The following CFAP45 variants were observed in gnomAD, a reference collection of about 807,000 sequenced individuals.
The protein encoded by CFAP45 is cilia- and flagella-associated protein 45.
CFAP45 carries 43 observed loss-of-function variants against 75.6 expected under a neutral mutation model. The observed-to-expected ratio is 0.57, with a 90% confidence interval of 0.45 to 0.73. The LOEUF is 0.73. Ranked by LOEUF, CFAP45 falls within the 30% of genes least tolerant of loss-of-function variation. The pLI is 0.00. For synonymous variants in CFAP45, 223 were observed against 244.6 expected (o/e 0.91, Z 0.82); for missense variants, 689 against 701.5 (o/e 0.98, Z 0.20).
At chr1:159,875,872 T>C (rs1649387688) in intron 10 of CFAP45, among the ~76,000 whole-genome samples, 2 of 152,178 alleles carry the variant, frequency 1.3e-5, no homozygotes, top group Admixed American at 1.3e-4. Flanking sequence ...CAGTGAGAGA[T>C]GTGAACATTT....
Position 159,888,349 on chromosome 1 carries a change from T to C in CFAP45, c.417+3A>G. 6.2e-7 allele frequency: 1 copy of C among 1,613,988 alleles called. No homozygotes were observed. The highest frequency in any genetic ancestry group is 1.1e-5 in the South Asian group (1 of 91,064). The stretch of plus-strand genomic sequence containing the variant: ...GAGGTGAAGGCTTAGGGAGGTTAAC[T>C]ACCATGGTGGCTTCCTTCTCCTTCT... On this transcript the variant is annotated splice_donor_region_variant and intron_variant, in intron 4 of 11. Transcript: ENST00000368099.
In CFAP45 at chr1:159,887,445, G is replaced by A. The variant is rs1202035129; in HGVS notation, c.588+396C>T. ...TACTCCAAAAGCATCCAATTGCCTC[G>A]ACCACCATACGTGGCCAGAACTGAA... On this transcript the variant is annotated intron_variant, in intron 5 of 11. Coordinates refer to ENST00000368099, the MANE Select transcript of CFAP45 (RefSeq NM_012337.3). Among the ~76,000 whole-genome samples the A allele has an allele frequency of 3.3e-5, 5 of 152,256 alleles. No individual in the cohort carries two copies. In the East Asian group the frequency reaches 7.7e-4, roughly 23 times the overall value.
chr1:159,899,655 G>A (rs924823066), intron 1 of CFAP45, among the ~76,000 whole-genome samples: 1 of 151,642 alleles, frequency 6.6e-6, no homozygotes, highest in Non-Finnish European at 1.5e-5. Flanking sequence ...TTTTAGTAGA[G>A]GCGGGGTTTC....
intron 7 of CFAP45, among the ~76,000 whole-genome samples, chr1:159,882,204 T>G (rs1230143447): frequency 1.3e-5 from 2 of 152,166 alleles, no homozygotes; most frequent in Admixed American, 6.5e-5. Flanking sequence ...ACTCCACTTT[T>G]CCCTTTCTGC....
intron 1 of CFAP45, among the ~76,000 whole-genome samples, chr1:159,897,434 T>C (rs1360925053): frequency 6.6e-6 from 1 of 151,778 alleles, no homozygotes; most frequent in Non-Finnish European, 1.5e-5. Context: ...AATACAAAAA[T>C]TAGCTGGGCA....
In CFAP45 at chr1:159,898,200, C is replaced by T. The variant is rs943589528; in HGVS notation, c.3+1896G>A. On this transcript the variant is annotated intron_variant, in intron 1 of 11. Coordinates refer to ENST00000368099, the MANE Select transcript of CFAP45 (RefSeq NM_012337.3). ...GAAAGGGAGATTCCCATGCACGAGACCCCTTGCCTTTTACTCTGAGTGATC... is the reference window on the plus strand; with the variant it reads ...GAAAGGGAGATTCCCATGCACGAGATCCCTTGCCTTTTACTCTGAGTGATC... 11 of 985,158 alleles carry T rather than the reference C, an allele frequency of 1.1e-5. No homozygotes were observed. The Admixed American group carries it at 3.1e-4, about 28-fold the overall frequency. 61.0% of individuals were successfully genotyped at this position (985,158 alleles called of 1,614,324 possible). A position where few individuals can be genotyped will look rare whatever the true frequency, so the allele number is the denominator to read the frequency against.
At chr1:159,881,182 T>C (rs566844752) in intron 7 of CFAP45, among the ~76,000 whole-genome samples, 15 of 152,216 alleles carry the variant, frequency 9.9e-5, no homozygotes, top group Non-Finnish European at 1.9e-4. Context: ...TACCTAAATA[T>C]GTCCAAAAAT....
intron 3 of CFAP45, among the ~76,000 whole-genome samples, chr1:159,888,966 GA>G (rs1320748952): frequency 1.3e-5 from 2 of 152,122 alleles, no homozygotes; most frequent in African/African-American, 4.8e-5. Flanking sequence ...GCTTGGTACA[GA>G]GTGAGAATTC....
intron 6 of CFAP45, 85 bp downstream of exon 6, chr1:159,886,426 A>T: frequency 8.7e-7 from 1 of 1,149,614 alleles, no homozygotes; most frequent in Non-Finnish European, 1.3e-6. Context: ...ACCATTTCTC[A>T]TCTCTTCCCT....
rs762548649 is a variant in CFAP45, at chr1:159,900,123, C to T, written c.-25G>A. 3.1e-6 allele frequency: 5 copies of T among 1,614,158 alleles called. No individual in the cohort carries two copies. The South Asian group carries it at 5.5e-5, about 18-fold the overall frequency. ...TCTCCTCAGCCACACGCCCTGACTCCGGACTTCTGCTGCCGCCTCGGCGCC... is the reference window on the plus strand; with the variant it reads ...TCTCCTCAGCCACACGCCCTGACTCTGGACTTCTGCTGCCGCCTCGGCGCC... On this transcript the variant is annotated 5_prime_UTR_variant, in exon 1 of 12. Transcript: ENST00000368099.
At chr1:159,881,380 T>A (rs1236802759) in intron 7 of CFAP45, among the ~76,000 whole-genome samples, 1 of 152,168 alleles carries the variant, frequency 6.6e-6, no homozygotes, top group Non-Finnish European at 1.5e-5. Context: ...AACTTTCAAT[T>A]CTCTCTCCAT....
At chr1:159,887,755 C>A in intron 5 of CFAP45, 86 bp downstream of exon 5, 29 of 1,254,578 alleles carry the variant, frequency 2.3e-5, no homozygotes, top group Non-Finnish European at 2.8e-5. Context: ...CCCCACCAGT[C>A]CCTGGCCTTG....
In CFAP45 at chr1:159,876,679, G is replaced by T; in HGVS notation, c.1229C>A (p.Ala410Glu). 3 of 1,614,154 alleles carry T rather than the reference G, an allele frequency of 1.9e-6. No homozygotes were observed. Among genetic ancestry groups the T allele is most frequent in the South Asian group, 2.2e-5 (2 of 91,068 alleles). The change falls in exon 10 of 12, where the codon GCG becomes GAG. Residue 410 changes from alanine (A) to glutamate (E), a missense_variant. By Grantham distance (107) the Ala-to-Glu change is moderately radical. Coordinates refer to ENST00000368099, the MANE Select transcript of CFAP45 (RefSeq NM_012337.3). ...AGCCTCTGTTTCCATCTTCTTCCGCGCATTTTCCTTTTCCTTTCTGCGCCA... is the reference window on the plus strand; with the variant it reads ...AGCCTCTGTTTCCATCTTCTTCCGCTCATTTTCCTTTTCCTTTCTGCGCCA... ...REWRRKEKEN[A>E]RKKMETEAEL...
chr1:159,878,711 G>A (rs918341313), intron 8 of CFAP45, among the ~76,000 whole-genome samples: 6 of 127,008 alleles, frequency 4.7e-5, no homozygotes, highest in East Asian at 2.6e-4. Flanking sequence ...AGCTGAGATC[G>A]CACCACTGCA....
chr1:159,890,757 C>CTTT (rs965390100), intron 2 of CFAP45, 135 bp from the exon 3 acceptor site: 3,089 of 317,570 alleles, frequency 9.7e-3, no homozygotes, highest in East Asian at 0.029. Flanking sequence ...CTTTTCTTTT[C>CTTT]TTTTTTTTTT....
At chr1:159,882,086 G>A (rs1649562995) in intron 7 of CFAP45, among the ~76,000 whole-genome samples, 2 of 152,162 alleles carry the variant, frequency 1.3e-5, no homozygotes, top group African/African-American at 4.8e-5. Flanking sequence ...CTTCCTTCAG[G>A]AAGGCTTCTG....
At chr1:159,880,433 T>C in intron 8 of CFAP45, 121 bp downstream of exon 8, 1 of 840,864 alleles carries the variant, frequency 1.2e-6, no homozygotes, top group Non-Finnish European at 1.9e-6. Context: ...GAACTAAGGA[T>C]GTGCATCTTA....
At chr1:159,877,312 TG>T (rs1306929558) in intron 9 of CFAP45, 36 bp downstream of exon 9, 8 of 1,396,116 alleles carry the variant, frequency 5.7e-6, no homozygotes, top group Non-Finnish European at 8.2e-6. Flanking sequence ...GGCAAGGGAG[TG>T]GGAAAAGTAG....
chr1:159,887,236 C>T (rs1649711434), intron 5 of CFAP45, among the ~76,000 whole-genome samples: 1 of 152,132 alleles, frequency 6.6e-6, no homozygotes, highest in South Asian at 2.1e-4. Flanking sequence ...AAAGTAAAAC[C>T]TTTAGAAAAT....
Sources: allele counts gnomAD v4.1 joint callset (sites outside exome capture counted in the v4.1 genomes callset), GRCh38; gene constraint gnomAD v4.1.1; transcripts MANE v1.5; gene names NCBI Gene and HGNC (gene_info 2026-07-23, HGNC 2026-07-21).